TGFBR3: variants seen among roughly 807,000 people sequenced by gnomAD.
TGFBR3 encodes transforming growth factor beta receptor 3.
Under a neutral mutation model 87.9 loss-of-function variants are expected in TGFBR3, and 46 were observed. The ratio of observed to expected loss-of-function variants is 0.52; its 90% CI spans 0.41 to 0.67. The LOEUF is 0.67. Ranked by LOEUF, TGFBR3 falls within the 30% of genes least tolerant of loss-of-function variation. The pLI, the probability that TGFBR3 is intolerant of heterozygous loss-of-function variation, is 0.00. For synonymous variants in TGFBR3, 381 were observed against 391.6 expected, an observed-to-expected ratio of 0.97 and a Z score of 0.32; for missense variants, 866 against 1,041.9, an observed-to-expected ratio of 0.83 and a Z score of 2.32.
At chr1:91,868,696 A>G (rs561480169) in intron 1 of TGFBR3, among the ~76,000 whole-genome samples, 9 of 152,208 alleles carry the variant, frequency 5.9e-5, no homozygotes, top group Non-Finnish European at 1.0e-4. Context: ...TAATTATTCG[A>G]GCAAAATTCA....
Position 91,902,420 on chromosome 1 carries a change from C to T in TGFBR3, c.-174-2723G>A, listed in dbSNP as rs368634066. 3.4e-4 allele frequency among the ~76,000 whole-genome samples: 52 copies of T among 151,816 alleles called. 1 individual carries two copies. The South Asian group carries it at 9.6e-3, about 28-fold the overall frequency. ...TAGCCTCCGTAGCTGAGATGACAGA[C>T]GCATACAAACACAAACACACCTGGC... On this transcript the variant is annotated intron_variant, in intron 1 of 17. Transcript: ENST00000370399.
intron 2 of TGFBR3, among the ~76,000 whole-genome samples, chr1:91,850,495 G>C (rs1677686132): frequency 6.6e-6 from 1 of 152,160 alleles, no homozygotes; most frequent in Admixed American, 6.5e-5. Flanking sequence ...CAACACAGCA[G>C]GGAGGCCAGG....
intron 2 of TGFBR3, among the ~76,000 whole-genome samples, chr1:91,810,583 C>T (rs17885834): frequency 1.3e-5 from 2 of 152,158 alleles, no homozygotes; most frequent in African/African-American, 4.8e-5. Context: ...GCATGCGGCA[C>T]GTGTTCATAA....
intron 2 of TGFBR3, among the ~76,000 whole-genome samples, chr1:91,847,547 G>A (rs1015029301): frequency 6.8e-6 from 1 of 147,474 alleles, no homozygotes; most frequent in South Asian, 2.1e-4. Flanking sequence ...AGGTTGCAGT[G>A]AGCCGAGATC....
intron 2 of TGFBR3, among the ~76,000 whole-genome samples, chr1:91,809,080 C>G (rs2101034307): frequency 6.6e-6 from 1 of 152,206 alleles, no homozygotes; most frequent in East Asian, 1.9e-4. Flanking sequence ...AACTTTATCC[C>G]ATAAAAAAAT....
chr1:91,707,604 T>C (rs1242339873), intron 14 of TGFBR3, among the ~76,000 whole-genome samples: 4 of 152,236 alleles, frequency 2.6e-5, no homozygotes, highest in Admixed American at 2.6e-4. Flanking sequence ...GACAGTGTGC[T>C]GGCTTTTGTC....
chr1:91,712,669 G>T, intron 12 of TGFBR3, 127 bp from the exon 13 acceptor site: 1 of 810,406 alleles, frequency 1.2e-6, no homozygotes, highest in Non-Finnish European at 2.0e-6. Context: ...CATAGTTATA[G>T]CCTTCTTTCT....
chr1:91,790,365 C>CA (rs1239425037), intron 3 of TGFBR3, among the ~76,000 whole-genome samples: 2 of 152,218 alleles, frequency 1.3e-5, no homozygotes, highest in Admixed American at 1.3e-4. Context: ...CGTAGTAGGA[C>CA]ATACCATCTA....
chr1:91,779,839 G>A (rs1674699807), intron 3 of TGFBR3, among the ~76,000 whole-genome samples: 1 of 152,152 alleles, frequency 6.6e-6, no homozygotes, highest in Admixed American at 6.5e-5. Flanking sequence ...CAGTTCTGGA[G>A]GCCAGAAGTC....
rs1674195939 is a variant in TGFBR3 at position 91,766,565 on chromosome 1, G to A, written c.247-7815C>T. 1.5e-5 allele frequency: 2 copies of A among 136,178 alleles called. 1 individual carries two copies. Among genetic ancestry groups the A allele is most frequent in the South Asian group, 5.3e-4 (2 of 3,768 alleles). The allele number at this position is 136,178 out of a possible 1,614,324, so 8.4% of individuals were successfully genotyped here. ...GGAACTCAATTCCCACAAAATCTGA[G>A]TACTGGAGTAATCATTCCACCTGCT... On this transcript the variant is annotated intron_variant, in intron 3 of 16. Coordinates refer to ENST00000212355, the MANE Select transcript of TGFBR3 (RefSeq NM_003243.5).
intron 2 of TGFBR3, among the ~76,000 whole-genome samples, chr1:91,838,458 CTTTTT>C (rs539093148): frequency 8.0e-6 from 1 of 125,260 alleles, no homozygotes. Context: ...TTGGAAATCT[CTTTTT>C]TTTTTTTTTT....
chr1:91,807,182 G>A (rs1335897952), intron 2 of TGFBR3, among the ~76,000 whole-genome samples: 2 of 152,226 alleles, frequency 1.3e-5, no homozygotes, highest in Non-Finnish European at 2.9e-5. Flanking sequence ...AAACTCCAAA[G>A]AGGGCGCTTC....
At chr1:91,741,467 G>A (rs1673156864) in intron 4 of TGFBR3, among the ~76,000 whole-genome samples, 1 of 152,050 alleles carries the variant, frequency 6.6e-6, no homozygotes, top group South Asian at 2.1e-4. Flanking sequence ...GATTTCTAGG[G>A]AGCCTTCATT....
chr1:91,904,302 T>C (rs993457531), intron 1 of TGFBR3, among the ~76,000 whole-genome samples: 1 of 151,834 alleles, frequency 6.6e-6, no homozygotes, highest in African/African-American at 2.4e-5. Flanking sequence ...TTTTTTTTTT[T>C]TTTTTTTTAG....
upstream of TGFBR3, among the ~76,000 whole-genome samples, chr1:91,886,659 C>G (rs1208214546): frequency 1.3e-5 from 2 of 152,162 alleles, no homozygotes; most frequent in Non-Finnish European, 2.9e-5. Flanking sequence ...GCAGAGCTCC[C>G]CCATGCACAC....
chr1:91,717,624 CA>C (rs1444258536), intron 10 of TGFBR3, among the ~76,000 whole-genome samples: 1 of 148,136 alleles, frequency 6.8e-6, no homozygotes. Flanking sequence ...AAAATTACTA[CA>C]AACAATTATA....
At chr1:91,817,750 G>T (rs113139980) in intron 2 of TGFBR3, among the ~76,000 whole-genome samples, 5 of 152,112 alleles carry the variant, frequency 3.3e-5, no homozygotes, top group African/African-American at 9.7e-5. Context: ...CAATCAGAAA[G>T]GAAGCCTGTG....
At chr1:91,848,876 A>G (rs1403430218) in intron 2 of TGFBR3, among the ~76,000 whole-genome samples, 3 of 152,184 alleles carry the variant, frequency 2.0e-5, no homozygotes, top group Admixed American at 6.5e-5. Context: ...TTCATTCACA[A>G]CACAAAGAGA....
intron 7 of TGFBR3, among the ~76,000 whole-genome samples, chr1:91,723,760 C>T (rs969547888): frequency 2.6e-5 from 4 of 152,190 alleles, no homozygotes; most frequent in Non-Finnish European, 5.9e-5. Flanking sequence ...GCCCTTCCAG[C>T]ATGCAGATTA....
Sources: gnomAD v4.1 joint callset for allele counts (sites outside exome capture counted in the v4.1 genomes callset) on GRCh38, gnomAD v4.1.1 for gene constraint, MANE v1.5 for transcripts, NCBI Gene and HGNC (gene_info 2026-07-23, HGNC 2026-07-21) for gene names.